The following ARB2A variants were observed in gnomAD, a reference collection of about 807,000 sequenced individuals.
ARB2A encodes the protein cotranscriptional regulator ARB2A.
At chr5:93,817,218 A>G in the ARB2A span, among the ~76,000 whole-genome samples, 2 of 152,150 alleles carry the variant, frequency 1.3e-5, no homozygotes, top group Non-Finnish European at 2.9e-5. Flanking sequence ...TGAAAATAAA[A>G]TAAACAATTT....
the ARB2A span, among the ~76,000 whole-genome samples, chr5:93,909,120 TA>T: frequency 6.6e-6 from 1 of 151,094 alleles, no homozygotes; most frequent in African/African-American, 2.4e-5. Context: ...ATATTTTAAT[TA>T]TATAGCAAAA....
the ARB2A span, among the ~76,000 whole-genome samples, chr5:94,028,759 T>G: frequency 6.6e-6 from 1 of 152,196 alleles, no homozygotes. Context: ...GTGGGGTTTT[T>G]TTCTCTGTTT....
chr5:93,848,387 TA>T, the ARB2A span, among the ~76,000 whole-genome samples: 7,491 of 131,406 alleles, frequency 0.057, 408 homozygotes, highest in African/African-American at 0.16. Flanking sequence ...GTCTAAAGAT[TA>T]AAAAAAAAAA....
chr5:93,725,027 G>A, the ARB2A span, among the ~76,000 whole-genome samples: 1 of 152,018 alleles, frequency 6.6e-6, no homozygotes, highest in Admixed American at 6.6e-5. Flanking sequence ...TTCCATGAGG[G>A]ACAGAGTAGG....
At chr5:94,105,120 C>A in the ARB2A span, among the ~76,000 whole-genome samples, 3 of 152,136 alleles carry the variant, frequency 2.0e-5, no homozygotes, top group Non-Finnish European at 4.4e-5. Context: ...AACTATTCAA[C>A]ATAGTACTGG....
the ARB2A span, among the ~76,000 whole-genome samples, chr5:93,841,136 T>A: frequency 6.6e-6 from 1 of 152,160 alleles, no homozygotes; most frequent in Non-Finnish European, 1.5e-5. Context: ...AGCATAATAA[T>A]GTTAACTGAA....
chr5:93,674,269 T>C, the ARB2A span, among the ~76,000 whole-genome samples: 12 of 152,352 alleles, frequency 7.9e-5, no homozygotes, highest in East Asian at 2.3e-3. Flanking sequence ...GTAGCTGTTA[T>C]CTTCCTCAAC....
chr5:93,998,870 C>T, the ARB2A span, among the ~76,000 whole-genome samples: 1 of 151,974 alleles, frequency 6.6e-6, no homozygotes, highest in South Asian at 2.1e-4. Context: ...TCTCATTCTA[C>T]TTTTAGAACT....
the ARB2A span, among the ~76,000 whole-genome samples, chr5:94,048,269 G>T: frequency 6.6e-6 from 1 of 151,856 alleles, no homozygotes; most frequent in South Asian, 2.1e-4. Context: ...TGGTCAGGCT[G>T]GTCTTGAACT....
the ARB2A span, among the ~76,000 whole-genome samples, chr5:93,686,628 C>T: frequency 1.3e-5 from 2 of 152,160 alleles, no homozygotes; most frequent in South Asian, 2.1e-4. Flanking sequence ...CATGGTCCAA[C>T]ATTTCATTGT....
chr5:93,730,723 C>T, the ARB2A span, among the ~76,000 whole-genome samples: 1 of 152,102 alleles, frequency 6.6e-6, no homozygotes, highest in Non-Finnish European at 1.5e-5. Context: ...CGAAAAGTGA[C>T]ACAGCTTTCT....
the ARB2A span, chr5:93,735,567 G>C: frequency 1.3e-5 from 2 of 152,138 alleles, no homozygotes; most frequent in Non-Finnish European, 2.9e-5. Flanking sequence ...CATTCAACAT[G>C]GTCTGACTCT....
chr5:93,660,442 T>C, the ARB2A span, among the ~76,000 whole-genome samples: 3 of 152,196 alleles, frequency 2.0e-5, no homozygotes, highest in Admixed American at 1.3e-4. Context: ...GAACTTATGG[T>C]AGGTTTTTAA....
chr5:93,995,118 T>G, the ARB2A span, among the ~76,000 whole-genome samples: 1 of 152,154 alleles, frequency 6.6e-6, no homozygotes, highest in Non-Finnish European at 1.5e-5. Context: ...AAGTACAGTA[T>G]TAAATCATAA....
the ARB2A span, among the ~76,000 whole-genome samples, chr5:94,069,054 A>ATAGATAGC: frequency 6.6e-6 from 1 of 150,554 alleles, no homozygotes; most frequent in Non-Finnish European, 1.5e-5. Flanking sequence ...AGATAGATAG[A>ATAGATAGC]TAGATAGATA....
At chr5:94,060,461 C>T in the ARB2A span, among the ~76,000 whole-genome samples, 2 of 152,152 alleles carry the variant, frequency 1.3e-5, no homozygotes, top group South Asian at 4.2e-4. Flanking sequence ...TAAAACTCAT[C>T]CTATATAAAA....
the ARB2A span, among the ~76,000 whole-genome samples, chr5:93,824,733 A>G: frequency 1.3e-5 from 2 of 152,220 alleles, no homozygotes; most frequent in Admixed American, 1.3e-4. Flanking sequence ...GATTTCCCAG[A>G]GAAACTCCTG....
chr5:93,626,865 CCCTT>C, the ARB2A span, among the ~76,000 whole-genome samples: 1 of 152,260 alleles, frequency 6.6e-6, no homozygotes, highest in Non-Finnish European at 1.5e-5. Flanking sequence ...CATTGATTGA[CCCTT>C]CCTTTCCTGA....
the ARB2A span, among the ~76,000 whole-genome samples, chr5:94,001,420 C>A: frequency 6.6e-6 from 1 of 151,726 alleles, no homozygotes; most frequent in Non-Finnish European, 1.5e-5. Flanking sequence ...TTCAGTATTC[C>A]TTTCTCTCTC....
Sources: allele counts gnomAD v4.1 joint callset (sites outside exome capture counted in the v4.1 genomes callset), GRCh38; gene constraint gnomAD v4.1.1; transcripts MANE v1.5; gene names NCBI Gene and HGNC (gene_info 2026-07-23, HGNC 2026-07-21).